AMBRA1: variants seen among roughly 807,000 people sequenced by gnomAD.
AMBRA1 encodes the protein activating molecule in BECN1-regulated autophagy protein 1.
Under a neutral mutation model 125.4 loss-of-function variants are expected in AMBRA1, and 47 were observed. The observed-to-expected ratio is 0.37, with a 90% CI of 0.30 to 0.48. AMBRA1 has a LOEUF of 0.48. AMBRA1 is among the 20% of genes least tolerant of loss of function. AMBRA1 has a pLI of 0.99. For synonymous variants in AMBRA1, 626 were observed against 655.5 expected (o/e 0.95, Z 0.69); for missense variants, 1,331 against 1,693.4 (o/e 0.79, Z 3.76).
Position 46,541,934 on chromosome 11 carries a change from C to G in AMBRA1, c.2072+11G>C. 1.3e-6 allele frequency: 2 copies of G among 1,599,374 alleles called. No homozygotes were observed. Among genetic ancestry groups the G allele is most frequent in the Non-Finnish European group, 1.7e-6 (2 of 1,176,512 alleles). On this transcript the variant is annotated intron_variant, in intron 7 of 17. Transcript: ENST00000683756. ...GCAAGGGATGCAGAAGATAGGAAAG[C>G]GACTGCTTACCTCCTGAGTGAATCC...
At chr11:46,460,713 A>C (rs1253589944) in intron 11 of AMBRA1, among the ~76,000 whole-genome samples, 1 of 152,236 alleles carries the variant, frequency 6.6e-6, no homozygotes, top group Non-Finnish European at 1.5e-5. Context: ...AAGTCATAAG[A>C]GCAGATGCCT....
At chr11:46,398,492 T>C (rs1721897739) in intron 17 of AMBRA1, among the ~76,000 whole-genome samples, 1 of 152,200 alleles carries the variant, frequency 6.6e-6, no homozygotes, top group Non-Finnish European at 1.5e-5. Context: ...ATTTTTATAT[T>C]GATTGATTGA....
At chr11:46,553,088 G>A (rs995791941) in intron 1 of AMBRA1, among the ~76,000 whole-genome samples, 6 of 151,534 alleles carry the variant, frequency 4.0e-5, no homozygotes, top group Non-Finnish European at 8.8e-5. Flanking sequence ...GACTACAGGC[G>A]CCTGCCACCA....
chr11:46,544,770 A>G lies in AMBRA1; in HGVS notation c.552-729T>C, dbSNP rs547327538. On this transcript the variant is annotated intron_variant, in intron 5 of 17. Coordinates refer to ENST00000683756, the MANE Select transcript of AMBRA1 (RefSeq NM_001387011.1). ...AACCAGAAGATGAGGCCAATAAGGG[A>G]AAGCTGAAATGAACAAAATGAATGT... Among the ~76,000 whole-genome samples the G allele has an allele frequency of 2.6e-5, 4 of 152,262 alleles. No individual in the cohort carries two copies. The East Asian group carries it at 7.7e-4, about 29-fold the overall frequency.
In AMBRA1 at chr11:46,542,295, G is replaced by A; in HGVS notation, c.1722C>T (p.Leu574=). ...HLNRCRACHN[L]LTFNNDTLRW... is the part of the protein sequence containing the mutation. ...GCAGGGTATCGTTGTTGAAGGTCAG[G>A]AGATTGTGGCAAGCACGACAGCGAT... The change falls in exon 7 of 18, where the codon CTC becomes CTT. Residue 574 remains leucine, a synonymous_variant. Transcript: ENST00000683756. The surrounding 1 kb of genome is among the most constrained non-coding windows in gnomAD (Gnocchi z 5.9). The A allele has an allele frequency of 6.2e-7, 1 of 1,614,116 alleles. No individual in the cohort carries two copies. The highest frequency in any genetic ancestry group is 8.5e-7 in the Non-Finnish European group (1 of 1,180,030).
intron 4 of AMBRA1, chr11:46,546,908 T>G: frequency 2.3e-6 from 1 of 439,474 alleles, no homozygotes; most frequent in East Asian, 4.1e-5. Flanking sequence ...CCGTCTCTAC[T>G]AAAAACACAA....
chr11:46,464,842 T>G (rs549896406), intron 11 of AMBRA1, among the ~76,000 whole-genome samples: 254 of 151,684 alleles, frequency 1.7e-3, no homozygotes, highest in Non-Finnish European at 3.1e-3. Flanking sequence ...GTCAAGAGTT[T>G]GAGACCATCC....
intron 15 of AMBRA1, among the ~76,000 whole-genome samples, chr11:46,411,047 C>T (rs530721597): frequency 1.4e-5 from 2 of 145,054 alleles, no homozygotes; most frequent in South Asian, 4.4e-4. Context: ...TTGCAGTGAG[C>T]TGAGATCGCG....
chr11:46,546,328 C>T (rs182914460), intron 4 of AMBRA1, among the ~76,000 whole-genome samples: 4 of 152,306 alleles, frequency 2.6e-5, no homozygotes, highest in Admixed American at 2.6e-4. Flanking sequence ...GCGTGAGCCA[C>T]CGCGCCCAGC....
chr11:46,539,147 C>T (rs1257025613), intron 7 of AMBRA1, among the ~76,000 whole-genome samples: 1 of 151,880 alleles, frequency 6.6e-6, no homozygotes, highest in African/African-American at 2.4e-5. Flanking sequence ...GCATTGATAA[C>T]CTTTGAAGTC....
intron 1 of AMBRA1, among the ~76,000 whole-genome samples, chr11:46,577,711 G>A (rs1214975050): frequency 6.6e-6 from 1 of 152,132 alleles, no homozygotes; most frequent in Non-Finnish European, 1.5e-5. Context: ...AGCACTTTGG[G>A]AGGCCGAGGC....
At chr11:46,408,448 G>T in intron 17 of AMBRA1, 65 bp downstream of exon 17, 1 of 1,392,850 alleles carries the variant, frequency 7.2e-7, no homozygotes, top group Non-Finnish European at 9.4e-7. Flanking sequence ...ATCCTGAGTG[G>T]GAAGTGGCAC....
At chr11:46,507,870 C>T (rs1252746645) in intron 9 of AMBRA1, among the ~76,000 whole-genome samples, 2 of 152,194 alleles carry the variant, frequency 1.3e-5, no homozygotes, top group African/African-American at 2.4e-5. Context: ...CCATGAGAAG[C>T]TTTCCACGGT....
intron 11 of AMBRA1, among the ~76,000 whole-genome samples, chr11:46,481,665 T>C (rs1356872796): frequency 5.9e-5 from 9 of 152,174 alleles, no homozygotes; most frequent in African/African-American, 1.2e-4. Context: ...GCCCGGCCTA[T>C]TTTTGTTCTC....
chr11:46,481,582 C>T (rs1042827744), intron 11 of AMBRA1, among the ~76,000 whole-genome samples: 2 of 152,120 alleles, frequency 1.3e-5, no homozygotes, highest in Admixed American at 6.6e-5. Context: ...AGGCTGGTCT[C>T]GAACTCCCGA....
chr11:46,542,175 GCTGCCACTTGATGGCACA>G lies in AMBRA1; in HGVS notation c.1824_1841del (p.Val609_Ser614del). Reference sequence around the variant, plus strand: ...CAGTCCGCTCGAGAGGTGGCAACTGGCTGCCACTTGATGGCACACTCTCAAAGGAGCTGGGGACCTGCC... The same window carrying G: ...CAGTCCGCTCGAGAGGTGGCAACTGGCTCTCAAAGGAGCTGGGGACCTGCC... On this transcript the variant is annotated inframe_deletion, in exon 7 of 18. Coordinates refer to ENST00000683756, the MANE Select transcript of AMBRA1 (RefSeq NM_001387011.1). This position sits in a 1 kb window ranked among gnomAD's most constrained non-coding sequence, Gnocchi z 5.9. 1.2e-6 allele frequency: 2 copies of G among 1,613,612 alleles called. No homozygotes were observed. The highest frequency in any genetic ancestry group is 1.7e-6 in the Non-Finnish European group (2 of 1,179,760).
rs571185950 is a variant in AMBRA1, at chr11:46,418,068, G to C, written c.2977-16C>G. On this transcript the variant is annotated splice_polypyrimidine_tract_variant and intron_variant, in intron 14 of 17. Transcript: ENST00000683756. Reference sequence around the variant, plus strand: ...TGAAAACTCTCTAGGTAGAGGAAAAGAGGGAAAAAAAGAGAATGGGAGGAG... The same window carrying C: ...TGAAAACTCTCTAGGTAGAGGAAAACAGGGAAAAAAAGAGAATGGGAGGAG... 1.3e-6 allele frequency: 2 copies of C among 1,524,146 alleles called. No individual in the cohort carries two copies. Among genetic ancestry groups the C allele is most frequent in the East Asian group, 4.7e-5 (2 of 42,314 alleles). The allele number at this position is 1,524,146 out of a possible 1,614,324, so 94.4% of individuals were successfully genotyped here. A position where few individuals can be genotyped will look rare whatever the true frequency, so the allele number is the denominator to read the frequency against.
chr11:46,567,119 T>G (rs895022864), intron 1 of AMBRA1, among the ~76,000 whole-genome samples: 9 of 152,184 alleles, frequency 5.9e-5, no homozygotes, highest in Non-Finnish European at 8.8e-5. Context: ...TAGCCCAGAC[T>G]GGAGTGCAGT....
chr11:46,411,544 T>C (rs750050027), intron 15 of AMBRA1, among the ~76,000 whole-genome samples: 36 of 152,242 alleles, frequency 2.4e-4, no homozygotes, highest in Admixed American at 7.8e-4. Context: ...TCTCAGCTCA[T>C]TGCAACCTCT....
Sources: gnomAD v4.1 joint callset for allele counts (sites outside exome capture counted in the v4.1 genomes callset) on GRCh38, gnomAD v4.1.1 for gene constraint, Gnocchi (gnomAD v3.1) non-coding constraint, MANE v1.5 for transcripts, NCBI Gene and HGNC (gene_info 2026-07-23, HGNC 2026-07-21) for gene names.